The following SLC8A1 variants were observed in gnomAD, a reference collection of about 807,000 sequenced individuals.
SLC8A1 encodes the protein sodium/calcium exchanger 1.
SLC8A1 carries 18 observed loss-of-function variants against 68.3 expected under a neutral mutation model. That is an observed-to-expected ratio of 0.26 (90% confidence interval 0.18 to 0.39). The LOEUF (loss-of-function observed/expected upper bound fraction) is 0.39. SLC8A1 is among the 10% of genes least tolerant of loss of function. The probability of loss-of-function intolerance (pLI) is 1.00; values close to 1 mark genes in which losing one functional copy is unlikely to be tolerated. For synonymous variants in SLC8A1, 475 were observed against 415.5 expected (o/e 1.14, Z -1.74); for missense variants, 985 against 1,156.7 (o/e 0.85, Z 2.15).
intron 2 of SLC8A1, among the ~76,000 whole-genome samples, chr2:40,216,533 T>A (rs2057514873): frequency 6.6e-6 from 1 of 152,164 alleles, no homozygotes; most frequent in South Asian, 2.1e-4. Context: ...TGGGATTGCT[T>A]GATCAAATGG....
chr2:40,494,014 C>CT (rs552685283), intron 1 of SLC8A1, among the ~76,000 whole-genome samples: 1,669 of 149,340 alleles, frequency 0.011, 23 homozygotes, highest in South Asian at 0.064. Flanking sequence ...CTTGGATAAA[C>CT]TTTTTTTTTT....
intron 2 of SLC8A1, among the ~76,000 whole-genome samples, chr2:40,305,642 T>C (rs1419587852): frequency 6.6e-6 from 1 of 152,178 alleles, no homozygotes. Context: ...GTCCCCACAC[T>C]TCCTATAACA....
intron 2 of SLC8A1, among the ~76,000 whole-genome samples, chr2:40,424,446 A>G (rs758029671): frequency 4.9e-4 from 75 of 151,842 alleles, no homozygotes; most frequent in Admixed American, 2.2e-3. Context: ...AATTCCATAG[A>G]ACCCATATAC....
chr2:40,413,442 T>C (rs536764669), intron 2 of SLC8A1, among the ~76,000 whole-genome samples: 66 of 152,218 alleles, frequency 4.3e-4, no homozygotes, highest in South Asian at 1.0e-3. Flanking sequence ...GATGAGTTCA[T>C]GTCCTTTGTA....
intron 2 of SLC8A1, among the ~76,000 whole-genome samples, chr2:40,272,613 C>G (rs1458856113): frequency 6.6e-6 from 1 of 152,206 alleles, no homozygotes; most frequent in Non-Finnish European, 1.5e-5. Context: ...TTGAGAAGCT[C>G]GCATGAGCTC....
At chr2:40,343,804 G>C (rs1668433180) in intron 2 of SLC8A1, among the ~76,000 whole-genome samples, 1 of 152,168 alleles carries the variant, frequency 6.6e-6, no homozygotes, top group African/African-American at 2.4e-5. Flanking sequence ...TCAAACTACT[G>C]TACTTGTAAT....
chr2:40,371,439 G>A (rs1678016503), intron 2 of SLC8A1, among the ~76,000 whole-genome samples: 1 of 152,082 alleles, frequency 6.6e-6, no homozygotes, highest in Non-Finnish European at 1.5e-5. Flanking sequence ...TTCTCATTGT[G>A]AACATAGGCT....
intron 6 of SLC8A1, among the ~76,000 whole-genome samples, chr2:40,142,072 C>G (rs1374693005): frequency 6.6e-6 from 1 of 152,234 alleles, no homozygotes; most frequent in East Asian, 1.9e-4. Context: ...CAAACTACAG[C>G]AGCCCTTCAG....
intron 2 of SLC8A1, among the ~76,000 whole-genome samples, chr2:40,268,496 G>A (rs1045251562): frequency 6.6e-6 from 1 of 152,164 alleles, no homozygotes; most frequent in Non-Finnish European, 1.5e-5. Flanking sequence ...TGCATTTGCA[G>A]CTCAGGATAT....
At chr2:40,291,343 G>T (rs551382370) in intron 2 of SLC8A1, among the ~76,000 whole-genome samples, 1 of 152,282 alleles carries the variant, frequency 6.6e-6, no homozygotes, top group South Asian at 2.1e-4. Context: ...TTATAGCTGA[G>T]TTTCTCACTG....
intron 2 of SLC8A1, among the ~76,000 whole-genome samples, chr2:40,383,590 AC>A (rs1262542203): frequency 6.6e-6 from 1 of 152,132 alleles, no homozygotes; most frequent in Non-Finnish European, 1.5e-5. Flanking sequence ...AGAAGTAGGT[AC>A]TAACAGAGAA....
intron 4 of SLC8A1, among the ~76,000 whole-genome samples, 200 bp downstream of exon 6, chr2:40,174,506 T>C (rs754248400): frequency 3.3e-5 from 5 of 152,090 alleles, no homozygotes; most frequent in Non-Finnish European, 7.4e-5. Flanking sequence ...ATATGAACAG[T>C]TACAGTTTTT....
At chr2:40,465,830 GT>G (rs1461847706) in intron 1 of SLC8A1, among the ~76,000 whole-genome samples, 2 of 152,112 alleles carry the variant, frequency 1.3e-5, no homozygotes, top group East Asian at 3.9e-4. Flanking sequence ...GCATTGGGAG[GT>G]GGGGCTGCAT....
intron 1 of SLC8A1, among the ~76,000 whole-genome samples, chr2:40,504,739 T>C (rs1706261684): frequency 6.6e-6 from 1 of 151,932 alleles, no homozygotes; most frequent in African/African-American, 2.4e-5. Flanking sequence ...ATCAGAGAAA[T>C]GCAAATCAAA....
intron 2 of SLC8A1, among the ~76,000 whole-genome samples, chr2:40,369,394 G>T (rs749911958): frequency 2.6e-5 from 4 of 152,056 alleles, no homozygotes; most frequent in Non-Finnish European, 4.4e-5. Context: ...AATACATAAA[G>T]CATTAAGTTG....
At chr2:40,278,242 G>A (rs762455746) in intron 2 of SLC8A1, among the ~76,000 whole-genome samples, 12 of 152,094 alleles carry the variant, frequency 7.9e-5, no homozygotes, top group South Asian at 2.1e-4. Flanking sequence ...AGGCCGAGGC[G>A]TGTGGATCAT....
intron 1 of SLC8A1, among the ~76,000 whole-genome samples, chr2:40,494,155 C>T (rs1420053573): frequency 2.0e-5 from 3 of 152,030 alleles, no homozygotes; most frequent in African/African-American, 7.2e-5. Context: ...TCTGACAGGT[C>T]TGGCTGTCCC....
intron 6 of SLC8A1, among the ~76,000 whole-genome samples, chr2:40,150,583 T>C (rs1029477891): frequency 6.6e-6 from 1 of 152,204 alleles, no homozygotes; most frequent in Non-Finnish European, 1.5e-5. Context: ...GCACATTGTT[T>C]GCAGAGCAGA....
At chr2:40,202,299 G>A (rs1053564651) in intron 2 of SLC8A1, among the ~76,000 whole-genome samples, 2 of 151,906 alleles carry the variant, frequency 1.3e-5, no homozygotes, top group African/African-American at 4.8e-5. Flanking sequence ...AATCCTTTTA[G>A]ATATAGCTGT....
Sources: allele counts gnomAD v4.1 joint callset (sites outside exome capture counted in the v4.1 genomes callset), GRCh38; gene constraint gnomAD v4.1.1; transcripts MANE v1.5; gene names NCBI Gene and HGNC (gene_info 2026-07-23, HGNC 2026-07-21).